ZFHX3: variants seen among roughly 807,000 people sequenced by gnomAD.
The protein encoded by ZFHX3 is zinc finger homeobox 3.
A neutral mutation model predicts 279.1 loss-of-function variants in ZFHX3; 42 were observed. The observed-to-expected ratio is 0.15, with a 90% confidence interval of 0.12 to 0.19. The LOEUF (loss-of-function observed/expected upper bound fraction) is 0.19. ZFHX3 is among the 10% of genes least tolerant of loss of function. The pLI, the probability that ZFHX3 is intolerant of heterozygous loss-of-function variation, is 1.00. For synonymous variants in ZFHX3, 2,293 were observed against 1,957.8 expected, an observed-to-expected ratio of 1.17 and a Z score of -4.52; for missense variants, 4,981 against 4,754.0, an observed-to-expected ratio of 1.05 and a Z score of -1.40.
chr16:73,122,406 C>T (rs1031958774), intron 7 of ZFHX3, among the ~76,000 whole-genome samples: 4 of 151,596 alleles, frequency 2.6e-5, no homozygotes, highest in African/African-American at 9.7e-5. Flanking sequence ...AGGGTTTCAT[C>T]ATGTTGGCCA....
intron 1 of ZFHX3, among the ~76,000 whole-genome samples, chr16:73,817,044 G>C (rs575845341): frequency 6.6e-6 from 1 of 152,216 alleles, no homozygotes; most frequent in Non-Finnish European, 1.5e-5. Context: ...AGTAGGAAAG[G>C]TGGAGCTATG....
chr16:73,891,587 A>C (rs1208084279), intron 1 of ZFHX3: 1 of 152,386 alleles, frequency 6.6e-6, no homozygotes, highest in African/African-American at 2.4e-5. Flanking sequence ...AGAGAAAGAC[A>C]CACGCAGAAA....
intron 3 of ZFHX3, among the ~76,000 whole-genome samples, chr16:73,339,934 C>T (rs2015998860): frequency 6.6e-6 from 1 of 152,294 alleles, no homozygotes; most frequent in Admixed American, 6.5e-5. Context: ...ACAAACCCAG[C>T]AAATTACTTG....
intron 1 of ZFHX3, among the ~76,000 whole-genome samples, chr16:73,001,462 G>A (rs1963494636): frequency 6.6e-6 from 1 of 152,106 alleles, no homozygotes; most frequent in Admixed American, 6.5e-5. Context: ...CTGAACTTAG[G>A]GGTAATCTGT....
intron 1 of ZFHX3, among the ~76,000 whole-genome samples, chr16:73,036,654 G>A (rs1964918007): frequency 6.6e-6 from 1 of 152,020 alleles, no homozygotes; most frequent in East Asian, 1.9e-4. Context: ...GAGGGAGGAG[G>A]GGGACTGGGT....
intron 1 of ZFHX3, among the ~76,000 whole-genome samples, chr16:72,978,145 G>T (rs148324820): frequency 0.014 from 2,079 of 152,286 alleles, 54 homozygotes; most frequent in African/African-American, 0.048. Context: ...GATTACAGGC[G>T]TGAGCCACCG....
At chr16:73,103,251 G>T (rs1966253711) in intron 7 of ZFHX3, among the ~76,000 whole-genome samples, 1 of 152,018 alleles carries the variant, frequency 6.6e-6, no homozygotes, top group South Asian at 2.1e-4. Flanking sequence ...GTCTCTACTG[G>T]CTCCCATTTC....
chr16:72,995,277 A>C (rs1963241880), intron 1 of ZFHX3, among the ~76,000 whole-genome samples: 1 of 152,230 alleles, frequency 6.6e-6, no homozygotes, highest in South Asian at 2.1e-4. Context: ...AGCTGTTCAA[A>C]CTTTCCCCTC....
intron 2 of ZFHX3, among the ~76,000 whole-genome samples, chr16:73,577,439 T>C (rs1228155898): frequency 6.6e-6 from 1 of 152,246 alleles, no homozygotes; most frequent in East Asian, 1.9e-4. Context: ...TGCATACAAG[T>C]CTACAATTAT....
intron 1 of ZFHX3, among the ~76,000 whole-genome samples, chr16:72,990,145 C>T (rs1272511556): frequency 2.0e-5 from 3 of 152,148 alleles, no homozygotes; most frequent in Admixed American, 6.5e-5. Context: ...AAGAGGGACA[C>T]GCCTCCCTAA....
chr16:73,263,974 C>G (rs1243223591), intron 4 of ZFHX3, among the ~76,000 whole-genome samples: 2 of 152,184 alleles, frequency 1.3e-5, no homozygotes, highest in Non-Finnish European at 2.9e-5. Context: ...CAAGACCAGC[C>G]TCACCAACAT....
chr16:73,762,828 G>C (rs1470155372), intron 1 of ZFHX3, among the ~76,000 whole-genome samples: 1 of 152,136 alleles, frequency 6.6e-6, no homozygotes, highest in Non-Finnish European at 1.5e-5. Context: ...GCCTGATGGA[G>C]TGGAGCAGAG....
rs1435586295 is a variant in ZFHX3 at position 72,796,991 on chromosome 16, C to G, written c.5691G>C (p.Glu1897Asp). The change falls in exon 9 of 10, where the codon GAG becomes GAC. Residue 1897 changes from glutamate to aspartate, a missense_variant. Glu to Asp is a conservative substitution (Grantham distance 45). Coordinates refer to ENST00000268489, the MANE Select transcript of ZFHX3 (RefSeq NM_006885.4). ...TCGGACCGGTGTTGCCCTCTCCCCC[C>G]TCGGCGCTGTCCCTCTCTCTCTGGC... ...KESQRERDSA[E>D]GGEGNTGPKE... The G allele has an allele frequency of 1.2e-6, 2 of 1,614,046 alleles. No individual in the cohort carries two copies. The highest frequency in any genetic ancestry group is 1.7e-6 in the Non-Finnish European group (2 of 1,180,000).
chr16:73,243,060 A>G (rs1456379512), intron 5 of ZFHX3, among the ~76,000 whole-genome samples: 1 of 152,220 alleles, frequency 6.6e-6, no homozygotes, highest in Non-Finnish European at 1.5e-5. Flanking sequence ...AGGGTCTACC[A>G]CTGTGCAGTT....
intron 2 of ZFHX3, among the ~76,000 whole-genome samples, chr16:73,473,501 A>G (rs2018712479): frequency 1.3e-5 from 2 of 152,120 alleles, no homozygotes; most frequent in South Asian, 4.1e-4. Flanking sequence ...CCAACGCTTG[A>G]GAGTCCTGGC....
At chr16:73,162,001 T>C (rs1967247997) in intron 5 of ZFHX3, among the ~76,000 whole-genome samples, 1 of 152,222 alleles carries the variant, frequency 6.6e-6, no homozygotes, top group Non-Finnish European at 1.5e-5. Flanking sequence ...TGATACAAGC[T>C]ACAGGCAAGT....
chr16:72,949,297 G>C (rs977866407), intron 3 of ZFHX3, among the ~76,000 whole-genome samples: 1 of 152,166 alleles, frequency 6.6e-6, no homozygotes, highest in African/African-American at 2.4e-5. Context: ...CCAAAGACGC[G>C]AGAAACAGTG....
chr16:73,727,600 C>T (rs1041158252), intron 1 of ZFHX3, among the ~76,000 whole-genome samples: 7 of 152,120 alleles, frequency 4.6e-5, no homozygotes, highest in Non-Finnish European at 1.0e-4. Context: ...AGCAAGTATA[C>T]GGGACTCATT....
intron 3 of ZFHX3, among the ~76,000 whole-genome samples, chr16:72,929,594 T>C (rs1041387612): frequency 6.6e-6 from 1 of 152,220 alleles, no homozygotes; most frequent in African/African-American, 2.4e-5. Flanking sequence ...CAGGAAAAAC[T>C]GTGTTCTGAA....
Sources: allele counts gnomAD v4.1 joint callset (sites outside exome capture counted in the v4.1 genomes callset), GRCh38; gene constraint gnomAD v4.1.1; transcripts MANE v1.5; gene names NCBI Gene and HGNC (gene_info 2026-07-23, HGNC 2026-07-21).